Variants in NR1H4 observed in about 807,000 individuals in gnomAD.
NR1H4 encodes the protein bile acid receptor.
NR1H4 carries 23 observed loss-of-function variants against 58.5 expected under a neutral mutation model. That is an observed-to-expected ratio of 0.39 (90% CI 0.28 to 0.56). The LOEUF is 0.56. Ranked by LOEUF, NR1H4 falls within the 20% of genes least tolerant of loss-of-function variation. NR1H4 has a pLI of 0.58. For synonymous variants in NR1H4, 214 were observed against 198.0 expected, an observed-to-expected ratio of 1.08 and a Z score of -0.68; for missense variants, 487 against 576.9, an observed-to-expected ratio of 0.84 and a Z score of 1.60.
Position 100,536,627 on chromosome 12 carries a change from A to AAAAT in NR1H4, c.831+19_831+22dup. ...AATAAAATTGTATGTATAATATCTG[A>AAAAT]AAATATGTGGGTTTAAAGTTAATAT... On this transcript the variant is annotated intron_variant, in intron 7 of 10. Transcript: ENST00000392986. The AAAAT allele has an allele frequency of 7.5e-7, 1 of 1,334,712 alleles. No individual in the cohort carries two copies. The highest frequency in any genetic ancestry group is 1.1e-6 in the Non-Finnish European group (1 of 925,950). 82.7% of individuals were successfully genotyped at this position (1,334,712 alleles called of 1,614,324 possible). A position where few individuals can be genotyped will look rare whatever the true frequency, so the allele number is the denominator to read the frequency against.
intron 4 of NR1H4, among the ~76,000 whole-genome samples, chr12:100,513,687 T>C (rs1436890025): frequency 6.6e-6 from 1 of 151,970 alleles, no homozygotes; most frequent in Admixed American, 6.6e-5. Flanking sequence ...CCCAGCTACT[T>C]GGGAGTCTGA....
intron 4 of NR1H4, chr12:100,525,159 T>G (rs1023340022): frequency 6.6e-6 from 1 of 152,268 alleles, no homozygotes; most frequent in African/African-American, 2.4e-5. Flanking sequence ...GGTCCCACTG[T>G]GGCTGCATGC....
At chr12:100,539,381 C>T (rs1414784869) in intron 8 of NR1H4, among the ~76,000 whole-genome samples, 1 of 152,144 alleles carries the variant, frequency 6.6e-6, no homozygotes, top group Non-Finnish European at 1.5e-5. Flanking sequence ...TCATTGAGCA[C>T]AACCTGTGCC....
intron 9 of NR1H4, among the ~76,000 whole-genome samples, chr12:100,557,826 C>A (rs986505794): frequency 3.3e-5 from 5 of 152,132 alleles, no homozygotes; most frequent in Admixed American, 1.3e-4. Context: ...TTTGCTCAGC[C>A]AAAGCTCTTT....
In NR1H4 at chr12:100,534,843, AC is replaced by A. The variant is rs768982625; in HGVS notation, c.599-46del. 225 of 1,612,446 alleles carry A rather than the reference AC, an allele frequency of 1.4e-4. No homozygotes were observed. In the Admixed American group the frequency reaches 3.5e-3, roughly 25 times the overall value. On this transcript the variant is annotated intron_variant, in intron 5 of 10. Transcript: ENST00000392986. The stretch of plus-strand genomic sequence containing the variant: ...CAGTGGTTTTATGACCACACACCCA[AC>A]AGTACTTTCTGTGATTGGTGAAGTC...
At chr12:100,482,666 T>C (rs1462238907) in intron 1 of NR1H4, among the ~76,000 whole-genome samples, 2 of 152,190 alleles carry the variant, frequency 1.3e-5, no homozygotes, top group South Asian at 2.1e-4. Context: ...CCCAGGGCTA[T>C]GAACGTCTCC....
chr12:100,483,358 A>C (rs1374527086), intron 1 of NR1H4, among the ~76,000 whole-genome samples: 3 of 151,180 alleles, frequency 2.0e-5, no homozygotes, highest in African/African-American at 7.3e-5. Context: ...TTAAAAATTT[A>C]ATTAAAATGT....
chr12:100,509,153 A>G (rs564624882), intron 3 of NR1H4, among the ~76,000 whole-genome samples: 1 of 152,330 alleles, frequency 6.6e-6, no homozygotes, highest in South Asian at 2.1e-4. Flanking sequence ...CCTTGCTGCC[A>G]TGAAAACCAA....
chr12:100,510,699 C>A, intron 3 of NR1H4, 79 bp from the exon 4 acceptor site: 1 of 1,519,570 alleles, frequency 6.6e-7, no homozygotes, highest in East Asian at 2.3e-5. Context: ...AGCCCACACT[C>A]CTAACCATTA....
intron 9 of NR1H4, among the ~76,000 whole-genome samples, chr12:100,541,125 A>G (rs888942379): frequency 2.0e-5 from 3 of 152,252 alleles, no homozygotes; most frequent in Non-Finnish European, 4.4e-5. Context: ...AGGAGCTAGG[A>G]TTCTTCAGCC....
chr12:100,511,284 C>G, intron 4 of NR1H4, 141 bp downstream of exon 4: 1 of 983,990 alleles, frequency 1.0e-6, no homozygotes, highest in South Asian at 1.3e-5. Context: ...ACATCCTCAC[C>G]TTTGTTGTGT....
chr12:100,562,262 C>T (rs894064544), intron 10 of NR1H4, among the ~76,000 whole-genome samples: 1 of 152,052 alleles, frequency 6.6e-6, no homozygotes, highest in African/African-American at 2.4e-5. Context: ...GGGGATGCAA[C>T]AAGACACAGC....
At chr12:100,496,466 T>G (rs181528814) in intron 3 of NR1H4, among the ~76,000 whole-genome samples, 3 of 152,316 alleles carry the variant, frequency 2.0e-5, no homozygotes, top group Admixed American at 2.0e-4. Flanking sequence ...AAGTCTGGAA[T>G]GGACTCAGAA....
chr12:100,544,360 G>A (rs1955009860), intron 9 of NR1H4, among the ~76,000 whole-genome samples: 1 of 151,814 alleles, frequency 6.6e-6, no homozygotes, highest in Non-Finnish European at 1.5e-5. Flanking sequence ...TTTACTGACA[G>A]GTCTCTACTC....
chr12:100,483,216 G>A (rs2136078358), intron 1 of NR1H4, among the ~76,000 whole-genome samples: 1 of 152,212 alleles, frequency 6.6e-6, no homozygotes, highest in Middle Eastern at 3.4e-3. Flanking sequence ...ATGAGCCACT[G>A]TGCCTGGCCT....
intron 1 of NR1H4, among the ~76,000 whole-genome samples, chr12:100,489,772 T>A (rs1174803689): frequency 1.3e-5 from 2 of 152,182 alleles, no homozygotes; most frequent in East Asian, 3.8e-4. Context: ...CTGGGAAGAC[T>A]TTTTTTCAGT....
chr12:100,534,970 G>A lies in NR1H4; in HGVS notation c.679G>A (p.Asp227Asn). 1 of 1,614,204 alleles carries A rather than the reference G, an allele frequency of 6.2e-7. No homozygotes were observed. Among genetic ancestry groups the A allele is most frequent in the Non-Finnish European group, 8.5e-7 (1 of 1,180,028 alleles). Residue 227 changes from aspartate to asparagine, a missense_variant, in exon 6 of 11, where the codon GAC (aspartate) becomes AAC (asparagine). Coordinates refer to ENST00000392986, the MANE Select transcript of NR1H4 (RefSeq NM_001206979.2). ...KQHADQTVNE[D>N]SEGRDLRQVT... Reference sequence around the variant, plus strand: ...GCATGCAGATCAGACCGTGAATGAAGACAGTGAAGGTCGTGACTTGCGACA... The same window carrying A: ...GCATGCAGATCAGACCGTGAATGAAAACAGTGAAGGTCGTGACTTGCGACA...
intron 4 of NR1H4, among the ~76,000 whole-genome samples, chr12:100,531,566 A>G (rs1954693736): frequency 6.6e-6 from 1 of 152,244 alleles, no homozygotes. Flanking sequence ...TGCACAAACC[A>G]GCTTACAGAA....
chr12:100,489,545 T>A (rs932743481), intron 1 of NR1H4, among the ~76,000 whole-genome samples: 1 of 152,194 alleles, frequency 6.6e-6, no homozygotes, highest in Non-Finnish European at 1.5e-5. Context: ...TTGTTTTTTT[T>A]AACCATCTGA....
Sources: gnomAD v4.1 joint callset for allele counts (sites outside exome capture counted in the v4.1 genomes callset) on GRCh38, gnomAD v4.1.1 for gene constraint, MANE v1.5 for transcripts, NCBI Gene and HGNC (gene_info 2026-07-23, HGNC 2026-07-21) for gene names.